The following OSBPL10 variants were observed in gnomAD, a reference collection of about 807,000 sequenced individuals.
The protein encoded by OSBPL10 is oxysterol-binding protein-related protein 10.
A neutral mutation model predicts 81.7 loss-of-function variants in OSBPL10; 49 were observed. That is an observed-to-expected ratio of 0.60 (90% CI 0.48 to 0.76). The LOEUF is 0.76. OSBPL10 is among the 30% of genes least tolerant of loss of function. The pLI, the probability that OSBPL10 is intolerant of heterozygous loss-of-function variation, is 0.00. For missense variants in OSBPL10, 923 were observed against 987.8 expected, an observed-to-expected ratio of 0.93 and a Z score of 0.88; for synonymous variants, 419 against 383.6, an observed-to-expected ratio of 1.09 and a Z score of -1.08.
At chr3:31,671,879 C>A (rs963857439) in intron 8 of OSBPL10, among the ~76,000 whole-genome samples, 1 of 152,166 alleles carries the variant, frequency 6.6e-6, no homozygotes, top group African/African-American at 2.4e-5. Flanking sequence ...GGCAGAGGCC[C>A]TGAGACCCAG....
intron 2 of OSBPL10, among the ~76,000 whole-genome samples, chr3:32,039,666 A>G (rs928131217): frequency 2.6e-5 from 4 of 152,244 alleles, no homozygotes; most frequent in African/African-American, 9.6e-5. Flanking sequence ...CTCAAAAAAA[A>G]AGAAAATATA....
At chr3:31,813,051 A>T (rs1462487085) in intron 4 of OSBPL10, among the ~76,000 whole-genome samples, 1 of 152,198 alleles carries the variant, frequency 6.6e-6, no homozygotes, top group Non-Finnish European at 1.5e-5. Flanking sequence ...CCAATATAAG[A>T]AATATAAGGA....
upstream of OSBPL10, among the ~76,000 whole-genome samples, chr3:31,986,090 C>T (rs1355400740): frequency 1.3e-5 from 2 of 152,220 alleles, no homozygotes; most frequent in African/African-American, 4.8e-5. Flanking sequence ...AGCTCAGTGC[C>T]TGGAATTCCA....
intron 3 of OSBPL10, among the ~76,000 whole-genome samples, chr3:31,830,455 G>C (rs916465656): frequency 1.3e-5 from 2 of 152,032 alleles, no homozygotes; most frequent in Admixed American, 6.5e-5. Context: ...TGTGCTTCCT[G>C]TCCTACGCTA....
At chr3:31,870,332 C>T (rs1442648984) in intron 3 of OSBPL10, among the ~76,000 whole-genome samples, 1 of 152,262 alleles carries the variant, frequency 6.6e-6, no homozygotes, top group East Asian at 1.9e-4. Context: ...CTCGATTTCT[C>T]ACTGGGCCTT....
At chr3:31,717,562 A>T (rs1480061082) in intron 6 of OSBPL10, among the ~76,000 whole-genome samples, 1 of 152,204 alleles carries the variant, frequency 6.6e-6, no homozygotes, top group African/African-American at 2.4e-5. Flanking sequence ...ATGAGGAGGC[A>T]CCAATAATGC....
intron 1 of OSBPL10, among the ~76,000 whole-genome samples, chr3:32,069,576 A>G (rs1699810291): frequency 6.6e-6 from 1 of 152,240 alleles, no homozygotes; most frequent in African/African-American, 2.4e-5. Context: ...CAGAGGGTCC[A>G]GAAGGCCGCC....
chr3:32,023,041 A>G (rs182498915), intron 2 of OSBPL10, among the ~76,000 whole-genome samples: 53 of 152,280 alleles, frequency 3.5e-4, no homozygotes, highest in Admixed American at 2.5e-3. Flanking sequence ...TTTAGTTTCT[A>G]TAGGGAATCA....
intron 2 of OSBPL10, among the ~76,000 whole-genome samples, chr3:32,026,055 G>GATAGATAT (rs1559551443): frequency 1.2e-3 from 127 of 103,128 alleles, no homozygotes; most frequent in African/African-American, 5.0e-3. Context: ...TAGATAGATA[G>GATAGATAT]ATGATAGATA....
chr3:31,733,017 A>G (rs1697026125), intron 6 of OSBPL10: 2 of 552,896 alleles, frequency 3.6e-6, no homozygotes, highest in South Asian at 2.3e-5. Context: ...TCCCATTTCA[A>G]TGAAAATAGG....
chr3:31,795,437 T>C (rs1050176981), intron 4 of OSBPL10: 2 of 164,254 alleles, frequency 1.2e-5, no homozygotes, highest in African/African-American at 2.4e-5. Flanking sequence ...TGAGCCACCG[T>C]GTCTGGCCCA....
chr3:31,936,167 C>T (rs964136464), intron 1 of OSBPL10, among the ~76,000 whole-genome samples: 1 of 152,164 alleles, frequency 6.6e-6, no homozygotes, highest in African/African-American at 2.4e-5. Flanking sequence ...GCTTCAGCCT[C>T]TCATGCTTTA....
chr3:31,996,944 C>T (rs1011631892), intron 2 of OSBPL10, among the ~76,000 whole-genome samples: 8 of 152,082 alleles, frequency 5.3e-5, no homozygotes, highest in Non-Finnish European at 1.0e-4. Flanking sequence ...CAGAAGGCTC[C>T]CCACTCACAA....
At chr3:31,778,698 C>A (rs907100565) in intron 4 of OSBPL10, among the ~76,000 whole-genome samples, 12 of 151,870 alleles carry the variant, frequency 7.9e-5, no homozygotes, top group Admixed American at 7.9e-4. Context: ...ATACAAGAAG[C>A]CCAAAGAACA....
upstream of OSBPL10, among the ~76,000 whole-genome samples, chr3:31,985,894 AT>A (rs1698927144): frequency 6.6e-6 from 1 of 152,230 alleles, no homozygotes; most frequent in South Asian, 2.1e-4. Flanking sequence ...TCTTACTCCC[AT>A]TTTACAGGCA....
chr3:32,035,562 CAA>C (rs35533294), intron 2 of OSBPL10, among the ~76,000 whole-genome samples: 243 of 91,038 alleles, frequency 2.7e-3, no homozygotes, highest in African/African-American at 0.01. Flanking sequence ...AACTCTGTCT[CAA>C]AAAAAAAAAA....
chr3:32,056,195 C>T (rs1699711526), intron 1 of OSBPL10, among the ~76,000 whole-genome samples: 1 of 152,162 alleles, frequency 6.6e-6, no homozygotes, highest in African/African-American at 2.4e-5. Flanking sequence ...CCGGTCTTAT[C>T]AGTTGTTTTT....
intron 9 of OSBPL10, among the ~76,000 whole-genome samples, chr3:31,669,913 G>A (rs1700282415): frequency 6.6e-6 from 1 of 152,172 alleles, no homozygotes; most frequent in African/African-American, 2.4e-5. Context: ...GCAGGTATGA[G>A]GCATCTTCTG....
chr3:31,940,336 C>T (rs960393070), intron 1 of OSBPL10, among the ~76,000 whole-genome samples: 2 of 152,152 alleles, frequency 1.3e-5, no homozygotes, highest in Non-Finnish European at 2.9e-5. Flanking sequence ...ACACCTACTA[C>T]GTAACATCAT....
Sources: allele counts gnomAD v4.1 joint callset (sites outside exome capture counted in the v4.1 genomes callset), GRCh38; gene constraint gnomAD v4.1.1; transcripts MANE v1.5; gene names NCBI Gene and HGNC (gene_info 2026-07-23, HGNC 2026-07-21).